BRIP1: variants seen among roughly 807,000 people sequenced by gnomAD.
The protein encoded by BRIP1 is BRCA1 interacting DNA helicase 1, also known as Fanconi anemia group J protein.
Under a neutral mutation model 119.7 loss-of-function variants are expected in BRIP1, and 88 were observed. The ratio of observed to expected loss-of-function variants is 0.74; its 90% CI spans 0.62 to 0.88. BRIP1 has a LOEUF of 0.88. Among genes scored for constraint, BRIP1 ranks in the 40% least tolerant of loss-of-function variants. The pLI is 0.00. For synonymous variants in BRIP1, 443 were observed against 496.5 expected, an observed-to-expected ratio of 0.89 and a Z score of 1.43; for missense variants, 1,259 against 1,455.4, an observed-to-expected ratio of 0.87 and a Z score of 2.20.
rs185753125 is a variant in BRIP1 at position 61,740,997 on chromosome 17, T to C, written c.2379+2016A>G. 2.4e-4 allele frequency among the ~76,000 whole-genome samples: 37 copies of C among 152,326 alleles called. No homozygotes were observed. In the East Asian group the frequency reaches 6.5e-3, roughly 27 times the overall value. On this transcript the variant is annotated intron_variant, in intron 16 of 19. Transcript: ENST00000259008. The surrounding 1 kb of genome is among the most constrained non-coding windows in gnomAD (Gnocchi z 5.4). ...CATAAGATGCTCTTTGATAGCATTT[T>C]ACCCAACATAAAACTTCTTTCAAAA...
intron 17 of BRIP1, among the ~76,000 whole-genome samples, chr17:61,707,779 C>T (rs2061713924): frequency 6.6e-6 from 1 of 151,702 alleles, no homozygotes; most frequent in Admixed American, 6.6e-5. Flanking sequence ...AAACTATAGC[C>T]TATAGTGCCT....
chr17:61,711,021 G>A (rs112141982), intron 17 of BRIP1, among the ~76,000 whole-genome samples: 1,423 of 133,016 alleles, frequency 0.011, 28 homozygotes, highest in African/African-American at 0.037. Context: ...GCGACAGAGC[G>A]AGACTCCATC....
chr17:61,772,828 A>AAAC (rs1285769240), intron 14 of BRIP1, among the ~76,000 whole-genome samples: 1 of 151,112 alleles, frequency 6.6e-6, no homozygotes, highest in Non-Finnish European at 1.5e-5. Flanking sequence ...CAGAAAAAAA[A>AAAC]AAAAAAAAAA....
At chr17:61,819,828 G>C (rs1001548103) in intron 6 of BRIP1, among the ~76,000 whole-genome samples, 3 of 151,690 alleles carry the variant, frequency 2.0e-5, no homozygotes, top group Admixed American at 2.0e-4. Flanking sequence ...AGCACAACAG[G>C]GTGAATATAG....
chr17:61,703,433 A>G lies in BRIP1; in HGVS notation c.2493-9921T>C, dbSNP rs1366561800. Reference sequence around the variant, plus strand: ...ATTTTTTCATATGCTTCTTGGCCACATGCATGTCTCCTTTTGAGAAATGTC... The same window carrying G: ...ATTTTTTCATATGCTTCTTGGCCACGTGCATGTCTCCTTTTGAGAAATGTC... On this transcript the variant is annotated intron_variant, in intron 17 of 19. Transcript: ENST00000259008. This position sits in a 1 kb window ranked among gnomAD's most constrained non-coding sequence, Gnocchi z 5.0. Among the ~76,000 whole-genome samples the G allele has an allele frequency of 6.6e-6, 1 of 152,228 alleles. No homozygotes were observed. Among genetic ancestry groups the G allele is most frequent in the Admixed American group, 6.5e-5 (1 of 15,274 alleles).
chr17:61,718,538 C>T (rs758445432), intron 16 of BRIP1, among the ~76,000 whole-genome samples: 1 of 152,178 alleles, frequency 6.6e-6, no homozygotes, highest in African/African-American at 2.4e-5. Flanking sequence ...CTTAAGGGGA[C>T]GCCTATGCAG....
intron 17 of BRIP1, among the ~76,000 whole-genome samples, chr17:61,696,396 A>T (rs1300660679): frequency 1.3e-5 from 2 of 152,104 alleles, no homozygotes; most frequent in Non-Finnish European, 2.9e-5. Flanking sequence ...AGTCATATGA[A>T]ATATTGCTGT....
rs1160697319 is a variant in BRIP1 at position 61,802,680 on chromosome 17, C to T, written c.919-1206G>A. ...AATTAATGTGCCATAGCTGATGAAC[C>T]AGTTTTCTTATTACTGGGCTTATAG... On this transcript the variant is annotated intron_variant, in intron 7 of 19. Transcript: ENST00000259008. This position sits in a 1 kb window ranked among gnomAD's most constrained non-coding sequence, Gnocchi z 6.0. Among the ~76,000 whole-genome samples, 1 of 152,146 alleles carries T rather than the reference C, an allele frequency of 6.6e-6. No homozygotes were observed. Among genetic ancestry groups the T allele is most frequent in the Non-Finnish European group, 1.5e-5 (1 of 68,032 alleles).
rs1379402944 is a variant in BRIP1 at position 61,861,249 on chromosome 17, G to C, written c.93+198C>G. On this transcript the variant is annotated intron_variant, in intron 2 of 19. Coordinates refer to ENST00000259008, the MANE Select transcript of BRIP1 (RefSeq NM_032043.3). This position sits in a 1 kb window ranked among gnomAD's most constrained non-coding sequence, Gnocchi z 4.5. The stretch of plus-strand genomic sequence containing the variant: ...ATGAGCTGAGAACATTTTTCAGAAT[G>C]TTCTTCTTTGCCTTAACCACAGATA... Among the ~76,000 whole-genome samples the C allele has an allele frequency of 6.6e-6, 1 of 152,098 alleles. No individual in the cohort carries two copies. The highest frequency in any genetic ancestry group is 2.4e-5 in the African/African-American group (1 of 41,418).
chr17:61,728,748 G>C (rs2076804151), intron 16 of BRIP1, among the ~76,000 whole-genome samples: 1 of 152,294 alleles, frequency 6.6e-6, no homozygotes, highest in South Asian at 2.1e-4. Context: ...GATGATAGCA[G>C]GATATTGGCA....
At position 61,734,865 on chromosome 17, in the gene BRIP1, ACTCAAAT is replaced by A. The variant is rs1324394030; in HGVS notation, c.2379+8141_2379+8147del. Among the ~76,000 whole-genome samples the A allele has an allele frequency of 2.0e-5, 3 of 152,130 alleles. No homozygotes were observed. On this transcript the variant is annotated intron_variant, in intron 16 of 19. Coordinates refer to ENST00000259008, the MANE Select transcript of BRIP1 (RefSeq NM_032043.3). The surrounding 1 kb of genome is among the most constrained non-coding windows in gnomAD (Gnocchi z 5.2). ...TTAATGTCACTGCCTTCTTTTTCCC[ACTCAAAT>A]CACTTTTCTGACTCAATGATCTTAA... is the stretch of plus-strand genomic sequence containing the variant.
intron 4 of BRIP1, among the ~76,000 whole-genome samples, chr17:61,849,495 G>A (rs775459268): frequency 2.0e-5 from 3 of 152,050 alleles, no homozygotes; most frequent in Non-Finnish European, 2.9e-5. Context: ...ATCGCCTTAT[G>A]TACTTGTAGA....
chr17:61,748,025 A>T lies in BRIP1; in HGVS notation c.2098-3434T>A, dbSNP rs1273953091. On this transcript the variant is annotated intron_variant, in intron 14 of 19. Transcript: ENST00000259008. This position sits in a 1 kb window ranked among gnomAD's most constrained non-coding sequence, Gnocchi z 4.7. Reference sequence around the variant, plus strand: ...AGTGCTGGGATTACAGGTGTGAGCCACTATGCACAGTCCTCTATGAAACAT... The same window carrying T: ...AGTGCTGGGATTACAGGTGTGAGCCTCTATGCACAGTCCTCTATGAAACAT... Among the ~76,000 whole-genome samples the T allele has an allele frequency of 2.0e-5, 3 of 151,784 alleles. No individual in the cohort carries two copies. Among genetic ancestry groups the T allele is most frequent in the African/African-American group, 7.3e-5 (3 of 41,290 alleles).
In BRIP1 at chr17:61,815,473, G is replaced by T. The variant is rs1389012206; in HGVS notation, c.628-6716C>A. The stretch of plus-strand genomic sequence containing the variant: ...CAAATTAGCCAGACATAGTTATTCT[G>T]TAAAGGAATAAACAACAGCCAAGAG... On this transcript the variant is annotated intron_variant, in intron 6 of 19. Coordinates refer to ENST00000259008, the MANE Select transcript of BRIP1 (RefSeq NM_032043.3). This position sits in a 1 kb window ranked among gnomAD's most constrained non-coding sequence, Gnocchi z 4.1. Among the ~76,000 whole-genome samples the T allele has an allele frequency of 2.0e-5, 3 of 152,124 alleles. No homozygotes were observed. The highest frequency in any genetic ancestry group is 7.2e-5 in the African/African-American group (3 of 41,442).
rs1286874792 is a variant in BRIP1 at position 61,827,853 on chromosome 17, C to G, written c.628-19096G>C. 6.6e-6 allele frequency among the ~76,000 whole-genome samples: 1 copy of G among 152,128 alleles called. No individual in the cohort carries two copies. Among genetic ancestry groups the G allele is most frequent in the Admixed American group, 6.5e-5 (1 of 15,268 alleles). ...AAATGCAAATCAAAAACACAAGATA[C>G]CACTTCACACCCTTAAAAATGGCTA... On this transcript the variant is annotated intron_variant, in intron 6 of 19. Transcript: ENST00000259008. This position sits in a 1 kb window ranked among gnomAD's most constrained non-coding sequence, Gnocchi z 5.8.
rs572601236 is a variant in BRIP1 at position 61,754,814 on chromosome 17, A to G, written c.2098-10223T>C. On this transcript the variant is annotated intron_variant, in intron 14 of 19. Coordinates refer to ENST00000259008, the MANE Select transcript of BRIP1 (RefSeq NM_032043.3). This position sits in a 1 kb window ranked among gnomAD's most constrained non-coding sequence, Gnocchi z 4.1. ...CAGAGAGGAACAGGGAGAGAGAGCA[A>G]TGAAGTTTTCTGGTGTCTCTTCTTA... 5.9e-5 allele frequency among the ~76,000 whole-genome samples: 9 copies of G among 152,218 alleles called. No individual in the cohort carries two copies. The highest frequency in any genetic ancestry group is 1.4e-4 in the African/African-American group (6 of 41,524).
rs1226945176 is a variant in BRIP1, at chr17:61,804,904, T to G, written c.919-3430A>C. 1.3e-5 allele frequency among the ~76,000 whole-genome samples: 2 copies of G among 151,746 alleles called. No homozygotes were observed. The highest frequency in any genetic ancestry group is 2.9e-5 in the Non-Finnish European group (2 of 67,942). ...GGCTGAGCGCACTGGCTCATGCTTA[T>G]AATCCTAACACTTTGAGAAGCCAAG... is the stretch of plus-strand genomic sequence containing the variant. On this transcript the variant is annotated intron_variant, in intron 7 of 19. Coordinates refer to ENST00000259008, the MANE Select transcript of BRIP1 (RefSeq NM_032043.3). This position sits in a 1 kb window ranked among gnomAD's most constrained non-coding sequence, Gnocchi z 4.5.
intron 10 of BRIP1, among the ~76,000 whole-genome samples, chr17:61,790,797 C>A (rs2077804829): frequency 6.6e-6 from 1 of 151,696 alleles, no homozygotes; most frequent in African/African-American, 2.4e-5. Flanking sequence ...TGCCACCACA[C>A]CAGCTAATTT....
At chr17:61,737,655 C>T (rs189962423) in intron 16 of BRIP1, among the ~76,000 whole-genome samples, 1 of 152,250 alleles carries the variant, frequency 6.6e-6, no homozygotes, top group African/African-American at 2.4e-5. Flanking sequence ...CATAATGATG[C>T]TCTGACATAT....
Sources: allele counts gnomAD v4.1 joint callset (sites outside exome capture counted in the v4.1 genomes callset), GRCh38; gene constraint gnomAD v4.1.1; non-coding constraint Gnocchi (gnomAD v3.1); transcripts MANE v1.5; gene names NCBI Gene and HGNC (gene_info 2026-07-23, HGNC 2026-07-21).